Variants in BRD4 observed in about 807,000 individuals in gnomAD.
BRD4 encodes bromodomain-containing protein 4.
BRD4 carries 16 observed loss-of-function variants against 142.1 expected under a neutral mutation model. That is an observed-to-expected ratio of 0.11 (90% CI 0.08 to 0.17). The LOEUF is 0.17. Among genes scored for constraint, BRD4 ranks in the 10% least tolerant of loss-of-function variants. The pLI is 1.00. For missense variants in BRD4, 1,424 were observed against 1,810.9 expected, an observed-to-expected ratio of 0.79 and a Z score of 3.88; for synonymous variants, 833 against 707.5, an observed-to-expected ratio of 1.18 and a Z score of -2.82.
chr19:15,275,230 C>T (rs1962634814), intron 1 of BRD4, among the ~76,000 whole-genome samples: 1 of 152,182 alleles, frequency 6.6e-6, no homozygotes, highest in South Asian at 2.1e-4. Flanking sequence ...TGAACCTTGC[C>T]TCATTTGGTG....
chr19:15,307,758 T>C (rs1290065924), intron 1 of BRD4, among the ~76,000 whole-genome samples: 1 of 152,064 alleles, frequency 6.6e-6, no homozygotes, highest in African/African-American at 2.4e-5. Flanking sequence ...CCGCACTACG[T>C]TTGGCATCAG....
chr19:15,282,840 C>G (rs977222948), intron 1 of BRD4, among the ~76,000 whole-genome samples: 2 of 152,152 alleles, frequency 1.3e-5, no homozygotes, highest in Non-Finnish European at 2.9e-5. Context: ...GAAGTGCTGA[C>G]ACACACAGTC....
rs34191233 is a variant in BRD4 at position 15,289,665 on chromosome 19, C to CA, written c.-34-16533dup. On this transcript the variant is annotated intron_variant, in intron 1 of 19. Coordinates refer to ENST00000679869, the MANE Select transcript of BRD4 (RefSeq NM_001379291.1). The stretch of plus-strand genomic sequence containing the variant: ...TGCAAAAGTAATTGCGGTTTTGATC[C>CA]AAAAAAAAAAAGAAAAAAAAAAGCC... Among the ~76,000 whole-genome samples the CA allele has an allele frequency of 8.4e-3, 965 of 115,406 alleles. 9 individuals are homozygous for CA. The highest frequency in any genetic ancestry group is 0.014 in the Non-Finnish European group (706 of 51,342). 75.7% of individuals were successfully genotyped at this position (115,406 alleles called of 152,430 possible). A position where few individuals can be genotyped will look rare whatever the true frequency, so the allele number is the denominator to read the frequency against.
chr19:15,307,894 C>T (rs973317176), intron 1 of BRD4, among the ~76,000 whole-genome samples: 53 of 149,930 alleles, frequency 3.5e-4, no homozygotes, highest in African/African-American at 1.3e-3. Context: ...GCGGGCGGAT[C>T]GCTTGAGGCC....
intron 11 of BRD4, chr19:15,247,077 A>G (rs1015639574): frequency 5.0e-6 from 1 of 201,286 alleles, no homozygotes; most frequent in African/African-American, 2.3e-5. Context: ...TCTTTATTCC[A>G]TGACAATCTT....
intron 11 of BRD4, chr19:15,253,642 G>A: frequency 1.3e-6 from 2 of 1,597,660 alleles, no homozygotes; most frequent in Non-Finnish European, 1.7e-6. Flanking sequence ...GCCAGCAGCA[G>A]ACTGGCGATG....
chr19:15,299,526 C>T (rs756368953), intron 1 of BRD4, among the ~76,000 whole-genome samples: 15 of 152,294 alleles, frequency 9.8e-5, no homozygotes, highest in South Asian at 2.1e-4. Context: ...GGGACATCCC[C>T]GCCATGGCCA....
chr19:15,294,605 A>G (rs1189946489), intron 1 of BRD4, among the ~76,000 whole-genome samples: 1 of 152,230 alleles, frequency 6.6e-6, no homozygotes, highest in Non-Finnish European at 1.5e-5. Context: ...TCAATATACC[A>G]CAGGCAGCCA....
intron 6 of BRD4, 144 bp downstream of exon 6, chr19:15,264,260 A>T: frequency 8.8e-7 from 1 of 1,142,776 alleles, no homozygotes; most frequent in East Asian, 2.4e-5. Flanking sequence ...GGGGGCGCTG[A>T]GTTTCTTCGA....
At position 15,255,557 on chromosome 19, in the gene BRD4, G is replaced by C. The variant is rs1378630016; in HGVS notation, c.1787C>G (p.Pro596Arg). The C allele has an allele frequency of 3.1e-6, 5 of 1,610,740 alleles. No individual in the cohort carries two copies. The highest frequency in any genetic ancestry group is 4.2e-6 in the Non-Finnish European group (5 of 1,177,218). ...KEPAPMKSKP[P>R]PTYESEEEDK... ...CTCTTCCTCCGACTCATACGTGGGA[G>C]GGGGCTTGCTCTTCATGGGCGCTGG... is the stretch of plus-strand genomic sequence containing the variant. The change falls in exon 10 of 20, where the codon CCT becomes CGT. Residue 596 changes from proline (P) to arginine (R), a missense_variant. Pro to Arg is a moderately radical substitution (Grantham distance 103). Transcript: ENST00000679869.
At chr19:15,287,194 T>C (rs1189561078) in intron 1 of BRD4, among the ~76,000 whole-genome samples, 3 of 151,632 alleles carry the variant, frequency 2.0e-5, no homozygotes, top group Admixed American at 2.0e-4. Context: ...GAGTTTCCTG[T>C]ATGCAAAAAA....
At position 15,237,905 on chromosome 19, in the gene BRD4, G is replaced by A. The variant is rs200420468; in HGVS notation, c.*472C>T. 29 of 239,096 alleles carry A rather than the reference G, an allele frequency of 1.2e-4. No homozygotes were observed. The highest frequency in any genetic ancestry group is 1.8e-4 in the Non-Finnish European group (22 of 122,018). 14.8% of individuals were successfully genotyped at this position (239,096 alleles called of 1,614,324 possible). ...CCGGCCTCGCCCGCCTCCAGCCCAC[G>A]CAGGCCTGCCCTGGCCTCCTGGGAG... On this transcript the variant is annotated 3_prime_UTR_variant, in exon 20 of 20. Coordinates refer to ENST00000679869, the MANE Select transcript of BRD4 (RefSeq NM_001379291.1).
intron 1 of BRD4, among the ~76,000 whole-genome samples, chr19:15,323,644 T>C (rs900269315): frequency 3.3e-5 from 5 of 152,194 alleles, no homozygotes; most frequent in East Asian, 3.8e-4. Flanking sequence ...CGAGAATTAC[T>C]AATTCACGTT....
intron 1 of BRD4, among the ~76,000 whole-genome samples, chr19:15,279,793 CT>C (rs2047687465): frequency 6.6e-6 from 1 of 152,194 alleles, no homozygotes; most frequent in African/African-American, 2.4e-5. Flanking sequence ...ACCAGCTATA[CT>C]TTGTATTTGC....
intron 3 of BRD4, 65 bp downstream of exon 3, chr19:15,268,840 G>A (rs1049355182): frequency 5.7e-6 from 9 of 1,583,548 alleles, no homozygotes; most frequent in Non-Finnish European, 7.8e-6. Flanking sequence ...CTCCTGACAT[G>A]CCCACTGCCG....
intron 1 of BRD4, among the ~76,000 whole-genome samples, chr19:15,306,022 C>T (rs1299646643): frequency 1.3e-5 from 2 of 152,182 alleles, no homozygotes; most frequent in East Asian, 3.8e-4. Flanking sequence ...TTTCAGCCTC[C>T]AAAGAATTGA....
intron 1 of BRD4, among the ~76,000 whole-genome samples, chr19:15,310,070 A>C (rs1206752430): frequency 2.0e-5 from 3 of 152,076 alleles, no homozygotes; most frequent in Non-Finnish European, 2.9e-5. Flanking sequence ...TAATTCTGTG[A>C]GCCTTTTCAA....
intron 11 of BRD4, among the ~76,000 whole-genome samples, chr19:15,250,807 A>G (rs2047335724): frequency 6.6e-6 from 1 of 152,178 alleles, no homozygotes; most frequent in South Asian, 2.1e-4. Flanking sequence ...GCCCTGCCCC[A>G]TGTGCTTGGC....
intron 1 of BRD4, among the ~76,000 whole-genome samples, chr19:15,293,927 T>C (rs2047803447): frequency 1.3e-5 from 2 of 152,270 alleles, no homozygotes; most frequent in African/African-American, 4.8e-5. Context: ...CTTCTTTCTC[T>C]TAGCATAATG....
Sources: gnomAD v4.1 joint callset for allele counts (sites outside exome capture counted in the v4.1 genomes callset) on GRCh38, gnomAD v4.1.1 for gene constraint, MANE v1.5 for transcripts, NCBI Gene and HGNC (gene_info 2026-07-23, HGNC 2026-07-21) for gene names.